Variants in KIRREL1 observed in about 807,000 individuals in gnomAD.
The protein encoded by KIRREL1 is kin of IRRE-like protein 1.
KIRREL1 carries 25 observed loss-of-function variants against 83.3 expected under a neutral mutation model. That is an observed-to-expected ratio of 0.30 (90% CI 0.22 to 0.42). KIRREL1 has a LOEUF of 0.42. Among genes scored for constraint, KIRREL1 ranks in the 10% least tolerant of loss-of-function variants. The pLI is 1.00. For missense variants in KIRREL1, 812 were observed against 1,032.3 expected, an observed-to-expected ratio of 0.79 and a Z score of 2.92; for synonymous variants, 388 against 410.4, an observed-to-expected ratio of 0.95 and a Z score of 0.66.
intron 3 of KIRREL1, among the ~76,000 whole-genome samples, chr1:158,079,412 C>T (rs529674182): frequency 1.1e-4 from 17 of 152,332 alleles, no homozygotes; most frequent in African/African-American, 3.6e-4. Context: ...CTCCACCTCC[C>T]GGGTTCAAGG....
chr1:158,040,245 G>A (rs1163621209), intron 1 of KIRREL1, among the ~76,000 whole-genome samples: 2 of 152,204 alleles, frequency 1.3e-5, no homozygotes, highest in African/African-American at 4.8e-5. Context: ...CCTCCAGGAT[G>A]TAGATATAAG....
intron 1 of KIRREL1, among the ~76,000 whole-genome samples, chr1:158,015,526 G>C (rs1659804565): frequency 6.6e-6 from 1 of 152,196 alleles, no homozygotes; most frequent in Non-Finnish European, 1.5e-5. Flanking sequence ...AATGCTTTAA[G>C]GAACAGCCCT....
At chr1:158,047,393 A>G (rs1352803264) in intron 1 of KIRREL1, among the ~76,000 whole-genome samples, 1 of 152,104 alleles carries the variant, frequency 6.6e-6, no homozygotes, top group Non-Finnish European at 1.5e-5. Context: ...ATGGGGGTTC[A>G]GGGGAAGGTC....
At chr1:158,088,613 T>C (rs1662095421) in intron 8 of KIRREL1, among the ~76,000 whole-genome samples, 159 bp downstream of exon 8, 1 of 149,758 alleles carries the variant, frequency 6.7e-6, no homozygotes, top group African/African-American at 2.5e-5. Context: ...GCCTCCCGAG[T>C]AGCTGGGACT....
intron 1 of KIRREL1, among the ~76,000 whole-genome samples, chr1:158,008,037 G>A (rs959156614): frequency 2.0e-5 from 3 of 151,996 alleles, no homozygotes; most frequent in East Asian, 3.9e-4. Context: ...CCCCCCTCTC[G>A]CCCTCCTTTT....
At chr1:157,996,493 C>T (rs1182626252) in intron 1 of KIRREL1, among the ~76,000 whole-genome samples, 2 of 152,060 alleles carry the variant, frequency 1.3e-5, no homozygotes, top group Admixed American at 1.3e-4. Flanking sequence ...AAAATAAGCC[C>T]ACCCAGCCCC....
chr1:158,073,441 A>G (rs527290999), intron 1 of KIRREL1, among the ~76,000 whole-genome samples: 6 of 152,306 alleles, frequency 3.9e-5, no homozygotes, highest in African/African-American at 1.4e-4. Context: ...CAGGCAAGGG[A>G]CTGTACCACG....
rs571593034 is a variant in KIRREL1 at position 158,058,923 on chromosome 1, G to A, written c.53-17190G>A. On this transcript the variant is annotated intron_variant, in intron 1 of 14. Transcript: ENST00000359209. ...AGCTCCTCTCCCAGACGCCGCAGCC[G>A]ACATGTCCTGAGAGATGTGGAGGGC... is the stretch of plus-strand genomic sequence containing the variant. 1.1e-4 allele frequency among the ~76,000 whole-genome samples: 17 copies of A among 152,246 alleles called. No homozygotes were observed. In the South Asian group the frequency reaches 3.1e-3, roughly 28 times the overall value.
chr1:158,007,267 A>G (rs1659543682), intron 1 of KIRREL1, among the ~76,000 whole-genome samples: 1 of 152,206 alleles, frequency 6.6e-6, no homozygotes, highest in South Asian at 2.1e-4. Context: ...GAAGATAGAA[A>G]GAGACACTGG....
At chr1:158,056,899 A>G (rs890691555) in intron 1 of KIRREL1, among the ~76,000 whole-genome samples, 1 of 152,062 alleles carries the variant, frequency 6.6e-6, no homozygotes, top group African/African-American at 2.4e-5. Context: ...TCCTTCTAAA[A>G]CAGGGAAGGA....
Position 158,076,263 on chromosome 1 carries a change from G to A in KIRREL1, c.202+1G>A. ...CTGGGCATGGGCCAGGGCCTCAAAG[G>A]TGAGTGCCTGGCTACCCAACGTCCA... On this transcript the variant is annotated splice_donor_variant, in intron 2 of 14. Transcript: ENST00000359209. LOFTEE classifies it high-confidence loss of function. The A allele has an allele frequency of 6.2e-7, 1 of 1,613,502 alleles. No homozygotes were observed. Among genetic ancestry groups the A allele is most frequent in the Non-Finnish European group, 8.5e-7 (1 of 1,179,586 alleles).
At chr1:158,005,047 G>A (rs965427568) in intron 1 of KIRREL1, among the ~76,000 whole-genome samples, 3 of 152,106 alleles carry the variant, frequency 2.0e-5, no homozygotes, top group Admixed American at 6.5e-5. Context: ...AAACATCTGG[G>A]GATCTTGTTA....
intron 1 of KIRREL1, among the ~76,000 whole-genome samples, chr1:158,008,439 G>C (rs567242820): frequency 9.2e-5 from 14 of 152,270 alleles, no homozygotes; most frequent in Middle Eastern, 3.4e-3. Flanking sequence ...GATGTGTATA[G>C]GTTGGTGGCC....
chr1:158,043,495 A>G (rs1660697558), intron 1 of KIRREL1, among the ~76,000 whole-genome samples: 1 of 152,076 alleles, frequency 6.6e-6, no homozygotes. Flanking sequence ...GCTCCCTTTC[A>G]GGGGATAAAG....
At chr1:158,082,824 A>G (rs1225508922) in intron 3 of KIRREL1, among the ~76,000 whole-genome samples, 3 of 152,186 alleles carry the variant, frequency 2.0e-5, no homozygotes, top group African/African-American at 7.2e-5. Flanking sequence ...AAATTAGCCA[A>G]GCATGATGGT....
At chr1:158,001,131 C>T (rs1659349541) in intron 1 of KIRREL1, among the ~76,000 whole-genome samples, 1 of 152,112 alleles carries the variant, frequency 6.6e-6, no homozygotes, top group South Asian at 2.1e-4. Context: ...TCTTTTTGCC[C>T]CTTCTTTCCT....
rs147950354 is a variant in KIRREL1 at position 158,044,082 on chromosome 1, C to T, written c.53-32031C>T. On this transcript the variant is annotated intron_variant, in intron 1 of 14. Transcript: ENST00000359209. ...CTTTTAGATGTGAACTGGATGCCAA[C>T]CGCATACCAGGGACTGTGCTGCATG... is the stretch of plus-strand genomic sequence containing the variant. Among the ~76,000 whole-genome samples, 508 of 152,326 alleles carry T rather than the reference C, an allele frequency of 3.3e-3. 2 individuals are homozygous for T. Among genetic ancestry groups the T allele is most frequent in the South Asian group, 0.013 (63 of 4,822 alleles).
chr1:158,053,161 G>T (rs1019346148), intron 1 of KIRREL1, among the ~76,000 whole-genome samples: 2 of 152,190 alleles, frequency 1.3e-5, no homozygotes, highest in African/African-American at 2.4e-5. Context: ...ACTGCATGTT[G>T]TGTTTATGTG....
chr1:158,053,116 G>T (rs1660952674), intron 1 of KIRREL1, among the ~76,000 whole-genome samples: 1 of 152,158 alleles, frequency 6.6e-6, no homozygotes, highest in South Asian at 2.1e-4. Flanking sequence ...ACAAGATTTG[G>T]AGGGGACAAA....
Sources: gnomAD v4.1 joint callset for allele counts (sites outside exome capture counted in the v4.1 genomes callset) on GRCh38, gnomAD v4.1.1 for gene constraint, MANE v1.5 for transcripts, NCBI Gene and HGNC (gene_info 2026-07-23, HGNC 2026-07-21) for gene names.